Variants in POLR3G observed in about 807,000 individuals in gnomAD.
POLR3G encodes the protein DNA-directed RNA polymerase III subunit RPC7.
A neutral mutation model predicts 30.1 loss-of-function variants in POLR3G; 28 were observed. The ratio of observed to expected loss-of-function variants is 0.93; its 90% confidence interval spans 0.69 to 1.27. POLR3G has a LOEUF of 1.27. POLR3G is among the 50% of genes most tolerant of loss of function. The probability of loss-of-function intolerance (pLI) is 0.00; values close to 1 mark genes in which losing one functional copy is unlikely to be tolerated. For missense variants in POLR3G, 254 were observed against 264.6 expected (o/e 0.96, Z 0.28); for synonymous variants, 79 against 82.5 (o/e 0.96, Z 0.23).
chr5:90,484,623 G>C (rs1467030977), intron 1 of POLR3G, among the ~76,000 whole-genome samples: 3 of 152,136 alleles, frequency 2.0e-5, no homozygotes, highest in Non-Finnish European at 4.4e-5. Flanking sequence ...GCATAATTTT[G>C]CAAGGAGGGC....
intron 7 of POLR3G, among the ~76,000 whole-genome samples, chr5:90,511,037 A>G (rs1297255254): frequency 1.3e-5 from 2 of 152,140 alleles, no homozygotes; most frequent in Non-Finnish European, 2.9e-5. Context: ...AGAAACACCC[A>G]TGGTCTTATC....
rs923889690 is a variant in POLR3G at position 90,514,465 on chromosome 5, C to T, written c.*2326C>T. On this transcript the variant is annotated 3_prime_UTR_variant, in exon 8 of 8. Transcript: ENST00000651687. ...TTAAATGTTTATTTGTTAGAGAAAACTAATTTGTTAATATAGATCTTAACT... is the reference window on the plus strand; with the variant it reads ...TTAAATGTTTATTTGTTAGAGAAAATTAATTTGTTAATATAGATCTTAACT... 2.0e-5 allele frequency: 3 copies of T among 151,986 alleles called. No homozygotes were observed. Among genetic ancestry groups the T allele is most frequent in the African/African-American group, 7.3e-5 (3 of 41,368 alleles). 9.4% of individuals were successfully genotyped at this position (151,986 alleles called of 1,614,324 possible).
intron 2 of POLR3G, among the ~76,000 whole-genome samples, chr5:90,486,128 CT>C (rs1751428955): frequency 6.6e-6 from 1 of 151,994 alleles, no homozygotes; most frequent in South Asian, 2.1e-4. Flanking sequence ...ACTTTTTTTG[CT>C]TATTTTAGTG....
chr5:90,475,486 A>ATTAT lies in POLR3G; in HGVS notation c.-44+489_-44+492dup, dbSNP rs535364801. The stretch of plus-strand genomic sequence containing the variant: ...TATCCACCCTTTTTTTAATTTTATT[A>ATTAT]TTATTTATTTATTTATTTATTTATT... On this transcript the variant is annotated intron_variant, in intron 1 of 7. Coordinates refer to ENST00000651687, the MANE Select transcript of POLR3G (RefSeq NM_006467.3). 2.6e-3 allele frequency among the ~76,000 whole-genome samples: 371 copies of ATTAT among 144,416 alleles called. 2 individuals are homozygous for ATTAT. Among genetic ancestry groups the ATTAT allele is most frequent in the African/African-American group, 6.4e-3 (256 of 40,212 alleles). 94.7% of individuals were successfully genotyped at this position (144,416 alleles called of 152,430 possible). A position where few individuals can be genotyped will look rare whatever the true frequency, so the allele number is the denominator to read the frequency against.
At chr5:90,485,362 A>C (rs1751384509) in intron 1 of POLR3G, among the ~76,000 whole-genome samples, 163 bp from the exon 2 acceptor site, 1 of 152,200 alleles carries the variant, frequency 6.6e-6, no homozygotes, top group East Asian at 1.9e-4. Context: ...TGTGAGTGTG[A>C]GCAGTTCAAC....
chr5:90,496,750 T>C (rs566200624), intron 4 of POLR3G, among the ~76,000 whole-genome samples: 2 of 152,348 alleles, frequency 1.3e-5, no homozygotes, highest in South Asian at 4.1e-4. Context: ...TGTAAAAACA[T>C]AGATGGCATT....
rs536721588 is a variant in POLR3G, at chr5:90,484,175, T to C, written c.-43-1350T>C. On this transcript the variant is annotated intron_variant, in intron 1 of 7. Transcript: ENST00000651687. ...ACAGAACTTAGCATACATAGAATTA[T>C]CTGGAAGGCTTCTTAAAACACCAGT... Among the ~76,000 whole-genome samples, 237 of 152,338 alleles carry C rather than the reference T, an allele frequency of 1.6e-3. 1 individual carries two copies. The highest frequency in any genetic ancestry group is 5.6e-3 in the African/African-American group (234 of 41,584).
intron 3 of POLR3G, among the ~76,000 whole-genome samples, chr5:90,494,070 A>G (rs1211553842): frequency 1.3e-5 from 2 of 152,090 alleles, no homozygotes; most frequent in Non-Finnish European, 2.9e-5. Context: ...ACCCTTTAGT[A>G]GTCATTCCCT....
chr5:90,495,984 T>C (rs2151909341), intron 4 of POLR3G, among the ~76,000 whole-genome samples: 1 of 151,874 alleles, frequency 6.6e-6, no homozygotes. Context: ...TTTTATTTAT[T>C]TTTTTGAGAT....
intron 1 of POLR3G, among the ~76,000 whole-genome samples, chr5:90,481,645 T>C (rs1402649812): frequency 6.6e-6 from 1 of 152,128 alleles, no homozygotes; most frequent in Admixed American, 6.5e-5. Flanking sequence ...GGCACTGACC[T>C]AGTTTCTTAG....
At chr5:90,474,432 G>A (rs936699840), upstream of POLR3G, 5 of 752,814 alleles carry the variant, frequency 6.6e-6, no homozygotes, top group Admixed American at 2.7e-5. Context: ...GGGGGCGTGG[G>A]ATGCGGGGGT....
intron 1 of POLR3G, among the ~76,000 whole-genome samples, chr5:90,480,665 A>G (rs1014289320): frequency 2.6e-5 from 4 of 152,158 alleles, no homozygotes; most frequent in Non-Finnish European, 5.9e-5. Context: ...GCTTGAAGAA[A>G]GCCTAGGACT....
intron 6 of POLR3G, among the ~76,000 whole-genome samples, chr5:90,503,755 G>T (rs1221855018): frequency 6.6e-6 from 1 of 152,176 alleles, no homozygotes; most frequent in East Asian, 1.9e-4. Context: ...CGTGGATGGA[G>T]AGGGAGTGAC....
chr5:90,502,466 T>A, intron 6 of POLR3G: 1 of 730,978 alleles, frequency 1.4e-6, no homozygotes, highest in Non-Finnish European at 1.7e-6. Flanking sequence ...TCTAAATATT[T>A]CAAAAATAAA....
At chr5:90,487,184 C>A (rs148173775) in intron 2 of POLR3G, among the ~76,000 whole-genome samples, 2 of 151,914 alleles carry the variant, frequency 1.3e-5, no homozygotes, top group East Asian at 3.9e-4. Flanking sequence ...TATTGGTAGC[C>A]CTTTCAATGA....
In POLR3G at chr5:90,512,253, A is replaced by G. The variant is rs1752776691; in HGVS notation, c.*114A>G. 8.6e-6 allele frequency: 6 copies of G among 697,030 alleles called. No homozygotes were observed. The highest frequency in any genetic ancestry group is 1.2e-5 in the Non-Finnish European group (5 of 409,162). The allele number at this position is 697,030 out of a possible 1,614,324, so 43.2% of individuals were successfully genotyped here. On this transcript the variant is annotated 3_prime_UTR_variant, in exon 8 of 8. Transcript: ENST00000651687. ...AGTACTTGTTTCTGTTGTTTTGGAC[A>G]AATAGTTGTTACCAAAATATTCAAA...
chr5:90,489,258 ATTT>A (rs527243253), intron 3 of POLR3G, among the ~76,000 whole-genome samples: 2 of 138,268 alleles, frequency 1.4e-5, no homozygotes, highest in African/African-American at 2.6e-5. Context: ...AAAATACTTA[ATTT>A]TTTTTTTTTT....
At chr5:90,493,637 A>G (rs72781084) in intron 3 of POLR3G, among the ~76,000 whole-genome samples, 24,913 of 144,298 alleles carry the variant, frequency 0.17, 2,632 homozygotes, top group Middle Eastern at 0.28. Flanking sequence ...AGTGACTTTT[A>G]ATATAGCCAC....
chr5:90,488,198 A>T, intron 3 of POLR3G, 69 bp downstream of exon 3: 10 of 1,254,506 alleles, frequency 8.0e-6, no homozygotes, highest in Non-Finnish European at 1.0e-5. Context: ...AGCACAAGAT[A>T]TATAATCATT....
Sources: allele counts gnomAD v4.1 joint callset (sites outside exome capture counted in the v4.1 genomes callset), GRCh38; gene constraint gnomAD v4.1.1; transcripts MANE v1.5; gene names NCBI Gene and HGNC (gene_info 2026-07-23, HGNC 2026-07-21).